The following TBC1D5 variants were observed in gnomAD, a reference collection of about 807,000 sequenced individuals.
TBC1D5 encodes the protein TBC1 domain family member 5.
TBC1D5 carries 75 observed loss-of-function variants against 100.3 expected under a neutral mutation model. The ratio of observed to expected loss-of-function variants is 0.75; its 90% CI spans 0.62 to 0.91. The LOEUF (loss-of-function observed/expected upper bound fraction) is 0.91. TBC1D5 is among the 40% of genes least tolerant of loss of function. The probability of loss-of-function intolerance (pLI) is 0.00; values close to 1 mark genes in which losing one functional copy is unlikely to be tolerated. For missense variants in TBC1D5, 910 were observed against 942.4 expected, an observed-to-expected ratio of 0.97 and a Z score of 0.45; for synonymous variants, 323 against 325.6, an observed-to-expected ratio of 0.99 and a Z score of 0.09.
chr3:17,366,290 TCAAA>T (rs1350188309), intron 13 of TBC1D5, among the ~76,000 whole-genome samples: 3 of 147,622 alleles, frequency 2.0e-5, no homozygotes, highest in East Asian at 2.0e-4. Flanking sequence ...AGACCCCCTC[TCAAA>T]CAAACAAACA....
intron 2 of TBC1D5, among the ~76,000 whole-genome samples, chr3:17,554,997 G>C (rs1332883374): frequency 2.0e-5 from 3 of 151,894 alleles, no homozygotes; most frequent in African/African-American, 7.3e-5. Context: ...TTACAGGCAC[G>C]TGCCACCACG....
chr3:17,603,158 T>G (rs1441980567), intron 2 of TBC1D5, among the ~76,000 whole-genome samples: 1 of 149,012 alleles, frequency 6.7e-6, no homozygotes, highest in Non-Finnish European at 1.5e-5. Context: ...TTTTTTGGTT[T>G]TTTTTTTTTT....
chr3:17,253,044 T>C (rs1264748291), intron 16 of TBC1D5, among the ~76,000 whole-genome samples: 2 of 152,198 alleles, frequency 1.3e-5, no homozygotes, highest in African/African-American at 4.8e-5. Flanking sequence ...AATAAATATT[T>C]AGTTTAACGA....
intron 14 of TBC1D5, among the ~76,000 whole-genome samples, chr3:17,295,270 G>C (rs2082132688): frequency 6.6e-6 from 1 of 152,166 alleles, no homozygotes; most frequent in Non-Finnish European, 1.5e-5. Flanking sequence ...GGTGAATTTA[G>C]GCAAGCTGCC....
chr3:17,508,695 A>G (rs568023241), intron 2 of TBC1D5, 90 bp from the exon 3 acceptor site: 2 of 580,932 alleles, frequency 3.4e-6, no homozygotes. Context: ...TTACATGAGC[A>G]TTACAGACAT....
At chr3:17,531,110 T>G (rs576929166) in intron 2 of TBC1D5, among the ~76,000 whole-genome samples, 1 of 152,300 alleles carries the variant, frequency 6.6e-6, no homozygotes, top group East Asian at 1.9e-4. Flanking sequence ...AAAATCTCCT[T>G]AAGCTGATAA....
intron 2 of TBC1D5, chr3:17,576,452 GCAA>G (rs1560195717): frequency 1.3e-5 from 2 of 151,666 alleles, no homozygotes; most frequent in East Asian, 3.9e-4. Flanking sequence ...TTTGAAACAA[GCAA>G]CAACAGAAAA....
chr3:17,717,782 A>C (rs1338871286), intron 1 of TBC1D5, among the ~76,000 whole-genome samples: 2 of 152,226 alleles, frequency 1.3e-5, no homozygotes, highest in Non-Finnish European at 2.9e-5. Flanking sequence ...CACTCTAAGG[A>C]ATATATTTTA....
intron 17 of TBC1D5, among the ~76,000 whole-genome samples, chr3:17,215,467 G>A (rs2073524981): frequency 6.6e-6 from 1 of 152,152 alleles, no homozygotes; most frequent in African/African-American, 2.4e-5. Context: ...GTGAAGGGAA[G>A]CAGGTTTTAG....
chr3:17,517,562 T>C (rs1323287652), intron 2 of TBC1D5, among the ~76,000 whole-genome samples: 1 of 152,178 alleles, frequency 6.6e-6, no homozygotes, highest in African/African-American at 2.4e-5. Context: ...ATAATATTCA[T>C]GAAAAAAGTT....
At chr3:17,445,392 T>A (rs1273005693) in intron 3 of TBC1D5, among the ~76,000 whole-genome samples, 2 of 152,106 alleles carry the variant, frequency 1.3e-5, no homozygotes, top group African/African-American at 4.8e-5. Flanking sequence ...ACAATACTTT[T>A]GTGAAATAAT....
chr3:17,412,063 C>T (rs1333578380), intron 4 of TBC1D5, among the ~76,000 whole-genome samples: 1 of 152,086 alleles, frequency 6.6e-6, no homozygotes. Flanking sequence ...CACTCACAGG[C>T]ATATTTTTTA....
chr3:17,218,896 T>C (rs1381286091), intron 17 of TBC1D5, among the ~76,000 whole-genome samples: 9 of 127,994 alleles, frequency 7.0e-5, no homozygotes, highest in African/African-American at 2.6e-4. Context: ...TCTGAGTTTA[T>C]CCTGCTTGGA....
chr3:17,706,299 C>T, intron 1 of TBC1D5: 1 of 1,528,304 alleles, frequency 6.5e-7, no homozygotes, highest in African/African-American at 1.4e-5. Context: ...AGGGTCTCAC[C>T]TTTTCTGTTC....
intron 2 of TBC1D5, among the ~76,000 whole-genome samples, chr3:17,590,015 C>G (rs745529280): frequency 5.8e-4 from 88 of 152,246 alleles, no homozygotes; most frequent in Non-Finnish European, 8.5e-4. Context: ...TGGGGCACAG[C>G]AAGTGCAAAG....
chr3:17,219,956 C>T (rs746237941), intron 17 of TBC1D5, among the ~76,000 whole-genome samples: 1 of 152,102 alleles, frequency 6.6e-6, no homozygotes, highest in Non-Finnish European at 1.5e-5. Context: ...CTTCTCTCTG[C>T]TGACTTGCTT....
rs370394972 is a variant in TBC1D5, at chr3:17,668,675, G to A, written c.-100-44762C>T. On this transcript the variant is annotated intron_variant, in intron 1 of 21. Transcript: ENST00000253692. ...TTCCAGTGAGCAAACAATTCATTCT[G>A]CGTAAACTGCCAAGATTTTTTAAAC... 3.3e-4 allele frequency among the ~76,000 whole-genome samples: 50 copies of A among 152,136 alleles called. No homozygotes were observed. In the South Asian group the frequency reaches 9.3e-3, roughly 28 times the overall value.
chr3:17,344,759 G>A (rs1434497270), intron 13 of TBC1D5, among the ~76,000 whole-genome samples: 11 of 152,058 alleles, frequency 7.2e-5, no homozygotes, highest in Non-Finnish European at 7.4e-5. Context: ...CAGAAATAAC[G>A]CCACATATCT....
intron 3 of TBC1D5, among the ~76,000 whole-genome samples, chr3:17,472,189 A>AG (rs1350066022): frequency 1.4e-5 from 2 of 147,566 alleles, no homozygotes; most frequent in Non-Finnish European, 3.0e-5. Flanking sequence ...GCCAGGCTGG[A>AG]GTGCAGTGAT....
Sources: gnomAD v4.1 joint callset for allele counts (sites outside exome capture counted in the v4.1 genomes callset) on GRCh38, gnomAD v4.1.1 for gene constraint, MANE v1.5 for transcripts, NCBI Gene and HGNC (gene_info 2026-07-23, HGNC 2026-07-21) for gene names.